RBFOX1: variants seen among roughly 807,000 people sequenced by gnomAD.
RBFOX1 encodes RNA binding protein fox-1 homolog 1.
Under a neutral mutation model 57.7 loss-of-function variants are expected in RBFOX1, and 8 were observed. That is an observed-to-expected ratio of 0.14 (90% CI 0.08 to 0.25). RBFOX1 has a LOEUF of 0.25. Ranked by LOEUF, RBFOX1 falls within the 10% of genes least tolerant of loss-of-function variation. RBFOX1 has a pLI of 1.00. For synonymous variants in RBFOX1, 326 were observed against 222.4 expected, an observed-to-expected ratio of 1.47 and a Z score of -4.15; for missense variants, 611 against 548.5, an observed-to-expected ratio of 1.11 and a Z score of -1.14.
At chr16:6,492,675 T>G (rs1224718155) in intron 2 of RBFOX1, among the ~76,000 whole-genome samples, 5 of 150,390 alleles carry the variant, frequency 3.3e-5, no homozygotes, top group Admixed American at 6.6e-5. Context: ...AGATGCAGCT[T>G]GGTTCACTGC....
intron 4 of RBFOX1, among the ~76,000 whole-genome samples, chr16:7,366,948 G>C (rs1456212639): frequency 6.6e-6 from 1 of 152,116 alleles, no homozygotes; most frequent in Non-Finnish European, 1.5e-5. Flanking sequence ...TTTTAAAAAT[G>C]AATTGAAATG....
intron 2 of RBFOX1, among the ~76,000 whole-genome samples, chr16:6,404,014 C>G (rs929613446): frequency 6.6e-6 from 1 of 152,108 alleles, no homozygotes; most frequent in Non-Finnish European, 1.5e-5. Flanking sequence ...AACTTCCAGC[C>G]TCCAGAAATC....
chr16:5,646,538 G>A (rs929598784), intron 3 of RBFOX1, among the ~76,000 whole-genome samples: 1 of 152,200 alleles, frequency 6.6e-6, no homozygotes, highest in African/African-American at 2.4e-5. Context: ...TGCAGGAGGA[G>A]AATGCAGAGG....
At chr16:7,637,444 G>T (rs2061956476) in intron 11 of RBFOX1, among the ~76,000 whole-genome samples, 1 of 152,190 alleles carries the variant, frequency 6.6e-6, no homozygotes, top group South Asian at 2.1e-4. Context: ...GGAAGTAATT[G>T]TGTGGAATTC....
intron 3 of RBFOX1, among the ~76,000 whole-genome samples, chr16:6,822,898 T>C (rs1017527377): frequency 1.4e-4 from 21 of 152,184 alleles, no homozygotes; most frequent in Non-Finnish European, 2.9e-4. Context: ...CATGCATTAA[T>C]ATTAACAAGT....
chr16:5,723,396 C>CAG (rs1567449594), intron 3 of RBFOX1, among the ~76,000 whole-genome samples: 1 of 83,976 alleles, frequency 1.2e-5, no homozygotes, highest in African/African-American at 3.8e-5. Flanking sequence ...TAAACAGTGG[C>CAG]TATCTCAAGC....
intron 2 of RBFOX1, among the ~76,000 whole-genome samples, chr16:6,563,060 G>A (rs577261928): frequency 6.6e-6 from 1 of 151,960 alleles, no homozygotes; most frequent in South Asian, 2.1e-4. Flanking sequence ...TGCTGCAGGG[G>A]CAGGGGGCCA....
chr16:7,652,122 G>A (rs917237264), intron 11 of RBFOX1, among the ~76,000 whole-genome samples: 2 of 151,896 alleles, frequency 1.3e-5, no homozygotes, highest in Non-Finnish European at 2.9e-5. Flanking sequence ...GGGAAACATT[G>A]CCTGCTACTT....
chr16:7,176,164 G>T (rs2152490757), intron 4 of RBFOX1, among the ~76,000 whole-genome samples: 1 of 142,130 alleles, frequency 7.0e-6, no homozygotes, highest in Non-Finnish European at 1.5e-5. Context: ...TGTGATTTTG[G>T]ACAGGCTCCT....
intron 3 of RBFOX1, among the ~76,000 whole-genome samples, chr16:6,975,401 C>A (rs13338925): frequency 1.3e-5 from 2 of 151,938 alleles, no homozygotes; most frequent in East Asian, 1.9e-4. Flanking sequence ...AAGTAGCTGG[C>A]GTTACAGGCA....
intron 3 of RBFOX1, among the ~76,000 whole-genome samples, chr16:6,780,486 A>T (rs866819717): frequency 2.2e-4 from 20 of 91,272 alleles, no homozygotes; most frequent in East Asian, 1.1e-3. Flanking sequence ...TTTTATATAT[A>T]TTTATATACA....
chr16:6,928,402 AG>A (rs1259631295), intron 3 of RBFOX1, among the ~76,000 whole-genome samples: 2 of 152,124 alleles, frequency 1.3e-5, no homozygotes, highest in African/African-American at 4.8e-5. Context: ...GTGGGAGCAG[AG>A]GTTGTTGTAG....
intron 3 of RBFOX1, among the ~76,000 whole-genome samples, chr16:6,953,467 C>G (rs9927402): frequency 0.073 from 11,066 of 151,956 alleles, 1,355 homozygotes; most frequent in African/African-American, 0.25. Flanking sequence ...CTCACCGCAA[C>G]CTCCACCTCC....
chr16:5,863,204 G>A (rs1016442933), intron 3 of RBFOX1, among the ~76,000 whole-genome samples: 4 of 152,152 alleles, frequency 2.6e-5, no homozygotes, highest in East Asian at 1.9e-4. Context: ...CGGCCTTTGC[G>A]ATTTCAAACA....
chr16:7,265,341 A>G (rs764285334), intron 4 of RBFOX1, among the ~76,000 whole-genome samples: 2 of 151,938 alleles, frequency 1.3e-5, no homozygotes, highest in African/African-American at 2.4e-5. Flanking sequence ...GGCAGAGAGA[A>G]AGAGAGAGAG....
At chr16:7,359,993 CAAA>C (rs1201797539) in intron 4 of RBFOX1, among the ~76,000 whole-genome samples, 3 of 140,548 alleles carry the variant, frequency 2.1e-5, no homozygotes, top group Non-Finnish European at 4.7e-5. Context: ...CAAAAAAAAA[CAAA>C]AAACAAACAA....
intron 1 of RBFOX1, among the ~76,000 whole-genome samples, chr16:6,308,971 A>T (rs949753864): frequency 3.3e-5 from 5 of 152,116 alleles, no homozygotes. Flanking sequence ...CTGCTTCTAC[A>T]AGAATACCTT....
chr16:6,368,065 G>A (rs2089921031), intron 2 of RBFOX1, among the ~76,000 whole-genome samples: 1 of 152,220 alleles, frequency 6.6e-6, no homozygotes, highest in South Asian at 2.1e-4. Context: ...CCTCACACAG[G>A]CTCTCTGAAG....
chr16:5,411,778 G>A (rs1036766381), intron 1 of RBFOX1, among the ~76,000 whole-genome samples: 1 of 152,130 alleles, frequency 6.6e-6, no homozygotes, highest in Middle Eastern at 3.4e-3. Flanking sequence ...ATCTACTCTG[G>A]AGGCTGAGGT....
Sources: gnomAD v4.1 joint callset for allele counts (sites outside exome capture counted in the v4.1 genomes callset) on GRCh38, gnomAD v4.1.1 for gene constraint, MANE v1.5 for transcripts, NCBI Gene and HGNC (gene_info 2026-07-23, HGNC 2026-07-21) for gene names.